Variants in HOOK3 observed in about 807,000 individuals in gnomAD.
HOOK3 encodes the protein hook microtubule tethering protein 3, also known as protein Hook homolog 3.
In HOOK3, 24 loss-of-function variants were observed where a neutral mutation model predicts 116.3. That is an observed-to-expected ratio of 0.21 (90% confidence interval 0.15 to 0.29). HOOK3 has a LOEUF of 0.29. Among genes scored for constraint, HOOK3 ranks in the 10% least tolerant of loss-of-function variants. The probability of loss-of-function intolerance (pLI) is 1.00; values close to 1 mark genes in which losing one functional copy is unlikely to be tolerated. For synonymous variants in HOOK3, 275 were observed against 283.0 expected (o/e 0.97, Z 0.28); for missense variants, 632 against 830.2 (o/e 0.76, Z 2.93).
chr8:42,926,488 G>A (rs1057005650), intron 3 of HOOK3, among the ~76,000 whole-genome samples: 5 of 152,060 alleles, frequency 3.3e-5, no homozygotes, highest in African/African-American at 9.7e-5. Flanking sequence ...GTTTCACCCT[G>A]TTGACCAGGC....
At chr8:42,939,576 C>A (rs540953605) in intron 4 of HOOK3, among the ~76,000 whole-genome samples, 6,738 of 141,086 alleles carry the variant, frequency 0.048, 305 homozygotes, top group African/African-American at 0.12. Context: ...GGGGGGCTGA[C>A]CCCCCCACCT....
chr8:43,011,145 A>C (rs1809603498), intron 19 of HOOK3, among the ~76,000 whole-genome samples: 1 of 151,920 alleles, frequency 6.6e-6, no homozygotes, highest in Non-Finnish European at 1.5e-5. Context: ...GGCGCCTGCC[A>C]CCACACTCGG....
intron 1 of HOOK3, among the ~76,000 whole-genome samples, chr8:42,903,086 G>A (rs917977737): frequency 5.7e-4 from 86 of 152,134 alleles, no homozygotes; most frequent in African/African-American, 2.0e-3. Flanking sequence ...ATCAGTTCCC[G>A]CAGATGGTGT....
At chr8:42,994,466 G>A (rs1030356560) in intron 15 of HOOK3, 4 of 409,840 alleles carry the variant, frequency 9.8e-6, no homozygotes, top group Admixed American at 8.2e-5. Flanking sequence ...CTCTTACTAC[G>A]GCTTTTGCTG....
At chr8:42,922,023 C>G (rs993404401) in intron 2 of HOOK3, among the ~76,000 whole-genome samples, 7 of 152,096 alleles carry the variant, frequency 4.6e-5, no homozygotes, top group African/African-American at 1.7e-4. Flanking sequence ...ACTAAAGTAG[C>G]TTAAAACAAA....
At chr8:42,969,888 T>C (rs1436814938) in intron 11 of HOOK3, among the ~76,000 whole-genome samples, 1 of 152,244 alleles carries the variant, frequency 6.6e-6, no homozygotes, top group African/African-American at 2.4e-5. Context: ...ATATTTTTAC[T>C]TAATCTCCTA....
At chr8:43,000,429 T>G (rs1490380293) in intron 16 of HOOK3, among the ~76,000 whole-genome samples, 1 of 152,200 alleles carries the variant, frequency 6.6e-6, no homozygotes, top group Non-Finnish European at 1.5e-5. Context: ...CCTTTACAAT[T>G]AAGATACTCA....
intron 13 of HOOK3, among the ~76,000 whole-genome samples, chr8:42,977,412 C>G (rs1808849647): frequency 6.6e-6 from 1 of 152,128 alleles, no homozygotes; most frequent in Non-Finnish European, 1.5e-5. Context: ...TTCTCACTTT[C>G]CCTTGGTTGA....
At chr8:42,985,454 C>T (rs768692930) in intron 14 of HOOK3, among the ~76,000 whole-genome samples, 1 of 152,054 alleles carries the variant, frequency 6.6e-6, no homozygotes, top group Non-Finnish European at 1.5e-5. Context: ...TGTACATGTA[C>T]TGTGTGATCC....
intron 13 of HOOK3, among the ~76,000 whole-genome samples, chr8:42,981,820 G>C (rs1261313506): frequency 6.7e-6 from 1 of 150,058 alleles, no homozygotes; most frequent in Non-Finnish European, 1.5e-5. Flanking sequence ...GGAGACAGAG[G>C]TTGCAGTGAG....
At chr8:42,933,913 A>C (rs574284256) in intron 4 of HOOK3, among the ~76,000 whole-genome samples, 1 of 152,144 alleles carries the variant, frequency 6.6e-6, no homozygotes, top group South Asian at 2.1e-4. Context: ...CTCCATGTTC[A>C]TGCTGCTGTG....
chr8:42,947,082 A>G (rs1210880403), intron 5 of HOOK3, among the ~76,000 whole-genome samples: 1 of 151,990 alleles, frequency 6.6e-6, no homozygotes, highest in Non-Finnish European at 1.5e-5. Flanking sequence ...ATTTTCTTAT[A>G]GGTAAATTTT....
chr8:43,016,730 G>A (rs754409688), intron 21 of HOOK3, among the ~76,000 whole-genome samples: 1 of 152,178 alleles, frequency 6.6e-6, no homozygotes. Context: ...AAATGTATAA[G>A]TTAAAGATTA....
intron 7 of HOOK3, among the ~76,000 whole-genome samples, chr8:42,957,430 T>C (rs1026622324): frequency 2.0e-5 from 3 of 152,170 alleles, no homozygotes; most frequent in African/African-American, 7.2e-5. Flanking sequence ...GTGACTCCTG[T>C]TTTCTAGTCA....
chr8:42,953,255 T>TA (rs71231878), intron 6 of HOOK3, among the ~76,000 whole-genome samples: 16,925 of 107,332 alleles, frequency 0.16, 1,763 homozygotes, highest in African/African-American at 0.32. Flanking sequence ...GAGTTTATCC[T>TA]AAAAAAAAAA....
chr8:43,018,745 G>T lies in HOOK3; in HGVS notation c.*247G>T. On this transcript the variant is annotated 3_prime_UTR_variant, in exon 22 of 22. Transcript: ENST00000307602. The stretch of plus-strand genomic sequence containing the variant: ...TTGTACATGTTCAATTAAAAATGTT[G>T]TATAATAGTGTAATACTTTTCTTTG... The T allele has an allele frequency of 2.6e-6, 1 of 378,802 alleles. No homozygotes were observed. The highest frequency in any genetic ancestry group is 7.4e-5 in the South Asian group (1 of 13,500). The allele number at this position is 378,802 out of a possible 1,614,324, so 23.5% of individuals were successfully genotyped here.
At chr8:43,007,129 C>T (rs779694627) in intron 17 of HOOK3, among the ~76,000 whole-genome samples, 1 of 146,834 alleles carries the variant, frequency 6.8e-6, no homozygotes, top group Non-Finnish European at 1.5e-5. Flanking sequence ...CAGGTTCAAG[C>T]GATTCTCCCT....
intron 1 of HOOK3, among the ~76,000 whole-genome samples, chr8:42,898,591 G>A (rs1807111033): frequency 6.6e-6 from 1 of 152,196 alleles, no homozygotes. Context: ...AGGAACTTAA[G>A]ATTTAAGTTT....
At chr8:42,952,533 A>G (rs538517123) in intron 6 of HOOK3, among the ~76,000 whole-genome samples, 1 of 152,330 alleles carries the variant, frequency 6.6e-6, no homozygotes, top group South Asian at 2.1e-4. Flanking sequence ...CCCAGAGGTC[A>G]GGCCGATAAC....
Sources: allele counts gnomAD v4.1 joint callset (sites outside exome capture counted in the v4.1 genomes callset), GRCh38; gene constraint gnomAD v4.1.1; transcripts MANE v1.5; gene names NCBI Gene and HGNC (gene_info 2026-07-23, HGNC 2026-07-21).